The following RTN1 variants were observed in gnomAD, a reference collection of about 807,000 sequenced individuals.
The protein encoded by RTN1 is reticulon 1, also known as reticulon-1.
RTN1 carries 25 observed loss-of-function variants against 65.5 expected under a neutral mutation model. That is an observed-to-expected ratio of 0.38 (90% CI 0.28 to 0.53). RTN1 has a LOEUF of 0.53. RTN1 is among the 20% of genes least tolerant of loss of function. RTN1 has a pLI of 0.79. For missense variants in RTN1, 983 were observed against 1,025.4 expected (o/e 0.96, Z 0.57); for synonymous variants, 471 against 447.6 (o/e 1.05, Z -0.66).
intron 2 of RTN1, 81 bp downstream of exon 2, chr14:59,745,627 G>A (rs1311404978): frequency 8.2e-7 from 1 of 1,224,518 alleles, no homozygotes; most frequent in Non-Finnish European, 1.1e-6. Flanking sequence ...AATGAAAATT[G>A]TCATTCCTTA....
At chr14:59,834,329 A>T (rs1008286714) in intron 1 of RTN1, among the ~76,000 whole-genome samples, 1 of 152,192 alleles carries the variant, frequency 6.6e-6, no homozygotes, top group Admixed American at 6.5e-5. Context: ...CAACACCAAA[A>T]GCACATTCCA....
intron 3 of RTN1, among the ~76,000 whole-genome samples, chr14:59,720,882 T>C (rs891087920): frequency 3.9e-5 from 6 of 152,106 alleles, no homozygotes; most frequent in Non-Finnish European, 1.5e-5. Flanking sequence ...TGGAGGGGCA[T>C]AGAGCTCAAG....
intron 8 of RTN1, among the ~76,000 whole-genome samples, chr14:59,597,119 CAGAA>C (rs1401181834): frequency 6.6e-6 from 1 of 152,070 alleles, no homozygotes; most frequent in East Asian, 1.9e-4. Context: ...TGGGACACTT[CAGAA>C]AGAGAGAGAA....
intron 1 of RTN1, among the ~76,000 whole-genome samples, chr14:59,823,143 C>A (rs747561256): frequency 3.9e-5 from 6 of 152,110 alleles, no homozygotes; most frequent in Non-Finnish European, 8.8e-5. Flanking sequence ...TTATCTAATT[C>A]TCTGCATAGA....
At chr14:59,747,561 G>T (rs1050705609) in intron 1 of RTN1, among the ~76,000 whole-genome samples, 2 of 152,080 alleles carry the variant, frequency 1.3e-5, no homozygotes, top group African/African-American at 4.8e-5. Flanking sequence ...AGCTGAGATT[G>T]CGCCATTGCA....
intron 1 of RTN1, among the ~76,000 whole-genome samples, chr14:59,822,821 TC>T: frequency 6.6e-6 from 1 of 152,192 alleles, no homozygotes; most frequent in East Asian, 1.9e-4. Flanking sequence ...CTCTGAGTGA[TC>T]TTGGTATTTC....
At chr14:59,772,533 A>G (rs375948763) in intron 1 of RTN1, among the ~76,000 whole-genome samples, 18 of 151,932 alleles carry the variant, frequency 1.2e-4, no homozygotes, top group African/African-American at 3.1e-4. Flanking sequence ...TTTCTCCCCA[A>G]TATTAAAAAA....
chr14:59,675,306 G>C (rs970048511), intron 3 of RTN1, among the ~76,000 whole-genome samples: 14 of 152,052 alleles, frequency 9.2e-5, no homozygotes, highest in African/African-American at 3.4e-4. Context: ...GGGGAAAATG[G>C]ACTGCATGTG....
chr14:59,622,782 A>G (rs907904849), intron 3 of RTN1, among the ~76,000 whole-genome samples: 2 of 152,244 alleles, frequency 1.3e-5, no homozygotes, highest in African/African-American at 4.8e-5. Flanking sequence ...ATAGTATCCC[A>G]CATCAGTTGA....
At chr14:59,801,963 A>T (rs1886554607) in intron 1 of RTN1, among the ~76,000 whole-genome samples, 1 of 152,150 alleles carries the variant, frequency 6.6e-6, no homozygotes, top group Non-Finnish European at 1.5e-5. Flanking sequence ...ACATATTAAT[A>T]TGTCTTTCCA....
At chr14:59,750,375 T>C (rs1885463740) in intron 1 of RTN1, among the ~76,000 whole-genome samples, 1 of 45,868 alleles carries the variant, frequency 2.2e-5, no homozygotes, top group South Asian at 7.4e-4. Context: ...ATTATATCTA[T>C]ATATTATATA....
At chr14:59,796,855 G>A (rs1447599286) in intron 1 of RTN1, among the ~76,000 whole-genome samples, 2 of 152,102 alleles carry the variant, frequency 1.3e-5, no homozygotes, top group East Asian at 1.9e-4. Flanking sequence ...ACTAGATTGT[G>A]GGCCCCTGAA....
rs1016798363 is a variant in RTN1, at chr14:59,720,303, C to T, written c.1765+6616G>A. ...AATTGGAACACTGCTAACTCTGTGACAGCTTCAGAAAGAAAAGCCATGAAT... is the reference window on the plus strand; with the variant it reads ...AATTGGAACACTGCTAACTCTGTGATAGCTTCAGAAAGAAAAGCCATGAAT... On this transcript the variant is annotated intron_variant, in intron 3 of 8. Transcript: ENST00000267484. Among the ~76,000 whole-genome samples the T allele has an allele frequency of 5.3e-5, 8 of 152,040 alleles. 1 individual carries two copies. In the South Asian group the frequency reaches 1.7e-3, roughly 31 times the overall value.
At chr14:59,684,176 C>T in intron 3 of RTN1, among the ~76,000 whole-genome samples, 1 of 151,806 alleles carries the variant, frequency 6.6e-6, no homozygotes, top group East Asian at 1.9e-4. Context: ...TATTTTTTTA[C>T]TTCTGGTGGT....
chr14:59,749,500 T>C (rs1189569691), intron 1 of RTN1, among the ~76,000 whole-genome samples: 1 of 74,080 alleles, frequency 1.3e-5, no homozygotes, highest in African/African-American at 7.4e-5. Flanking sequence ...TCTATATATA[T>C]CTATATATAG....
At chr14:59,806,114 T>C (rs1024075314) in intron 1 of RTN1, among the ~76,000 whole-genome samples, 8 of 152,202 alleles carry the variant, frequency 5.3e-5, no homozygotes, top group African/African-American at 1.9e-4. Context: ...TGCGTGCCTG[T>C]AGTCCCAGCT....
intron 3 of RTN1, among the ~76,000 whole-genome samples, chr14:59,701,953 A>T (rs1210705283): frequency 1.3e-5 from 2 of 152,168 alleles, no homozygotes; most frequent in African/African-American, 4.8e-5. Flanking sequence ...CTGTAAAATT[A>T]CTGAATTGGA....
At chr14:59,763,782 C>T (rs1045878870) in intron 1 of RTN1, among the ~76,000 whole-genome samples, 11 of 152,096 alleles carry the variant, frequency 7.2e-5, no homozygotes, top group African/African-American at 1.2e-4. Flanking sequence ...CCACCTGCCT[C>T]GGCCTCCCAA....
At chr14:59,672,796 G>A (rs1042639675) in intron 3 of RTN1, among the ~76,000 whole-genome samples, 6 of 149,624 alleles carry the variant, frequency 4.0e-5, no homozygotes, top group Admixed American at 6.6e-5. Context: ...GCCCGCCACC[G>A]CGCCTGGCTA....
Sources: gnomAD v4.1 joint callset for allele counts (sites outside exome capture counted in the v4.1 genomes callset) on GRCh38, gnomAD v4.1.1 for gene constraint, MANE v1.5 for transcripts, NCBI Gene and HGNC (gene_info 2026-07-23, HGNC 2026-07-21) for gene names.